The following TMEM198 variants were observed in gnomAD, a reference collection of about 807,000 sequenced individuals.
TMEM198 encodes transmembrane protein 198.
A neutral mutation model predicts 31.5 loss-of-function variants in TMEM198; 21 were observed. The ratio of observed to expected loss-of-function variants is 0.67; its 90% CI spans 0.47 to 0.96. The LOEUF (loss-of-function observed/expected upper bound fraction) is 0.96. Ranked by LOEUF, TMEM198 falls within the 40% of genes least tolerant of loss-of-function variation. TMEM198 has a pLI of 0.00. For missense variants in TMEM198, 447 were observed against 499.4 expected, an observed-to-expected ratio of 0.89 and a Z score of 1.00; for synonymous variants, 211 against 223.3, an observed-to-expected ratio of 0.95 and a Z score of 0.49.
At chr2:219,547,427 T>C in intron 2 of TMEM198, 79 bp from the exon 3 acceptor site, 4 of 1,175,956 alleles carry the variant, frequency 3.4e-6, no homozygotes, top group Admixed American at 2.9e-5. Context: ...TGGGATCCCA[T>C]GTCCTTGACC....
In TMEM198 at chr2:219,544,782, G is replaced by T. The variant is rs769246598; in HGVS notation, c.55G>T (p.Asp19Tyr). Residue 19 changes from aspartate to tyrosine, a missense_variant, in exon 2 of 5, where the codon GAT (aspartate) becomes TAT (tyrosine). Asp to Tyr is a radical substitution (Grantham distance 160, BLOSUM62 -3). Transcript: ENST00000373883. ...RFQLLPPEPD[D>Y]AFWGAPCEQP... is the part of the protein sequence containing the mutation. ...CCAGCTGCTGCCCCCTGAGCCAGAT[G>T]ATGCCTTCTGGGGTGCACCTTGTGA... 6.2e-7 allele frequency: 1 copy of T among 1,614,214 alleles called. No individual in the cohort carries two copies. Among genetic ancestry groups the T allele is most frequent in the Non-Finnish European group, 8.5e-7 (1 of 1,180,036 alleles).
Position 219,547,949 on chromosome 2 carries a change from C to A in TMEM198, c.610C>A (p.Arg204=). 1 of 1,591,030 alleles carries A rather than the reference C, an allele frequency of 6.3e-7. No individual in the cohort carries two copies. Among genetic ancestry groups the A allele is most frequent in the Non-Finnish European group, 8.5e-7 (1 of 1,174,834 alleles). The change falls in exon 3 of 5, where the codon CGA becomes AGA. Residue 204 remains arginine, a synonymous_variant. Coordinates refer to ENST00000373883, the MANE Select transcript of TMEM198 (RefSeq NM_001005209.3). ...LLLLGRYVVE[R]LRAAPVPPLC... ...ACTGCTGGGGCGCTACGTGGTGGAG[C>A]GACTCCGGGCTGCTCCTGTGCCCCC...
Position 219,544,145 on chromosome 2 carries a change from G to C in TMEM198, c.-272G>C. On this transcript the variant is annotated 5_prime_UTR_variant, in exon 1 of 5. Transcript: ENST00000373883. ...GGCTCCTGCGCCTTCCCCTTCCTCA[G>C]GCCCAGCCCGAGTTCCCGGACGCCG... 2.2e-6 allele frequency: 1 copy of C among 457,248 alleles called. No homozygotes were observed. The highest frequency in any genetic ancestry group is 1.6e-5 in the South Asian group (1 of 64,484). 28.3% of individuals were successfully genotyped at this position (457,248 alleles called of 1,614,324 possible). A position where few individuals can be genotyped will look rare whatever the true frequency, so the allele number is the denominator to read the frequency against.
Position 219,549,060 on chromosome 2 carries a change from G to C in TMEM198, c.743-92G>C, listed in dbSNP as rs771650454. The C allele has an allele frequency of 1.4e-6, 2 of 1,431,074 alleles. 1 individual carries two copies. The highest frequency in any genetic ancestry group is 2.4e-5 in the South Asian group (2 of 81,764). The allele number at this position is 1,431,074 out of a possible 1,614,324, so 88.6% of individuals were successfully genotyped here. A position where few individuals can be genotyped will look rare whatever the true frequency, so the allele number is the denominator to read the frequency against. ...GGTTATGGACAAGAGGAATCTGGAA[G>C]CCTAGAGCCACAGGTGGGATGAGAG... On this transcript the variant is annotated intron_variant, in intron 3 of 4. Transcript: ENST00000373883.
At chr2:219,546,164 TC>T in intron 2 of TMEM198, among the ~76,000 whole-genome samples, 1 of 151,842 alleles carries the variant, frequency 6.6e-6, no homozygotes, top group Non-Finnish European at 1.5e-5. Context: ...CTCTCATACT[TC>T]CCCCCACTCC....
At position 219,550,494 on chromosome 2, in the gene TMEM198, G is replaced by A. The variant is rs1695542989; in HGVS notation, c.*640G>A. On this transcript the variant is annotated 3_prime_UTR_variant, in exon 5 of 5. Coordinates refer to ENST00000373883, the MANE Select transcript of TMEM198 (RefSeq NM_001005209.3). ...TTTAAATGCACGGTGCATGTCTGGT[G>A]TCTGTCATGCCAACCTAGACACCTC... 5.7e-6 allele frequency: 2 copies of A among 348,420 alleles called. No homozygotes were observed. Among genetic ancestry groups the A allele is most frequent in the Admixed American group, 4.0e-5 (1 of 24,784 alleles). The allele number at this position is 348,420 out of a possible 1,614,324, so 21.6% of individuals were successfully genotyped here.
At chr2:219,548,716 A>C (rs1426859368) in intron 3 of TMEM198, among the ~76,000 whole-genome samples, 1 of 152,230 alleles carries the variant, frequency 6.6e-6, no homozygotes, top group East Asian at 1.9e-4. Flanking sequence ...GGGCAATAAG[A>C]CTTTAAACCA....
At position 219,547,954 on chromosome 2, in the gene TMEM198, C is replaced by A; in HGVS notation, c.615C>A (p.Leu205=). The A allele has an allele frequency of 6.3e-7, 1 of 1,590,094 alleles. No homozygotes were observed. Residue 205 remains leucine, a synonymous_variant, in exon 3 of 5, where the codon CTC becomes CTA. Coordinates refer to ENST00000373883, the MANE Select transcript of TMEM198 (RefSeq NM_001005209.3). ...LLLGRYVVER[L]RAAPVPPLCW... is the part of the protein sequence containing the mutation. Reference sequence around the variant, plus strand: ...TGGGGCGCTACGTGGTGGAGCGACTCCGGGCTGCTCCTGTGCCCCCACTCT... The same window carrying A: ...TGGGGCGCTACGTGGTGGAGCGACTACGGGCTGCTCCTGTGCCCCCACTCT...
chr2:219,545,465 C>T (rs951176488), intron 2 of TMEM198, among the ~76,000 whole-genome samples: 1 of 152,180 alleles, frequency 6.6e-6, no homozygotes, highest in Non-Finnish European at 1.5e-5. Flanking sequence ...TTGTACAGGA[C>T]GGGTACTAAA....
At chr2:219,546,074 G>A (rs1237365737) in intron 2 of TMEM198, among the ~76,000 whole-genome samples, 1 of 152,042 alleles carries the variant, frequency 6.6e-6, no homozygotes, top group Non-Finnish European at 1.5e-5. Context: ...TACCCCTCTT[G>A]GATGTCACTA....
chr2:219,546,968 C>G (rs148237880), intron 2 of TMEM198, among the ~76,000 whole-genome samples: 1 of 151,712 alleles, frequency 6.6e-6, no homozygotes, highest in East Asian at 1.9e-4. Flanking sequence ...TTAGTAGAGA[C>G]GGGGTTTCAC....
intron 2 of TMEM198, among the ~76,000 whole-genome samples, chr2:219,546,776 TTC>T: frequency 1.7e-5 from 1 of 59,542 alleles, no homozygotes; most frequent in African/African-American, 5.1e-5. Context: ...CCTCTCAAGT[TTC>T]TTTTTTTTTT....
At position 219,544,210 on chromosome 2, in the gene TMEM198, G is replaced by A. The variant is rs1293983846; in HGVS notation, c.-207G>A. On this transcript the variant is annotated 5_prime_UTR_variant, in exon 1 of 5. Coordinates refer to ENST00000373883, the MANE Select transcript of TMEM198 (RefSeq NM_001005209.3). ...CAGCCGGTGTTGGACGTGGAGCGGC[G>A]CCGCCACCGCGCCGACACCATTCTC... 2.2e-6 allele frequency: 1 copy of A among 462,928 alleles called. No homozygotes were observed. Among genetic ancestry groups the A allele is most frequent in the Non-Finnish European group, 4.4e-6 (1 of 227,138 alleles). 28.7% of individuals were successfully genotyped at this position (462,928 alleles called of 1,614,324 possible).
intron 3 of TMEM198, 42 bp downstream of exon 3, chr2:219,548,123 G>T: frequency 6.8e-7 from 1 of 1,462,566 alleles, no homozygotes; most frequent in South Asian, 1.4e-5. Context: ...AGGAGTGGGT[G>T]GCCAGGGATG....
At chr2:219,545,101 C>T (rs1695365330) in intron 2 of TMEM198, among the ~76,000 whole-genome samples, 1 of 152,232 alleles carries the variant, frequency 6.6e-6, no homozygotes, top group Non-Finnish European at 1.5e-5. Context: ...ATTTACTTAG[C>T]TTTGCAGTTA....
chr2:219,544,871 T>C lies in TMEM198; in HGVS notation c.144T>C (p.Phe48=). 1.2e-6 allele frequency: 2 copies of C among 1,614,214 alleles called. No homozygotes were observed. The highest frequency in any genetic ancestry group is 1.1e-5 in the South Asian group (1 of 91,092). Residue 48 remains phenylalanine, a synonymous_variant, in exon 2 of 5, where the codon TTT becomes TTC. Coordinates refer to ENST00000373883, the MANE Select transcript of TMEM198 (RefSeq NM_001005209.3). ...PALVCIMCCL[F]GVVYCFFGYR... The stretch of plus-strand genomic sequence containing the variant: ...TCGTCTGCATCATGTGCTGTTTGTT[T>C]GGAGTCGTCTACTGCTTCTTCGGTG...
At chr2:219,547,053 C>T (rs544621841) in intron 2 of TMEM198, among the ~76,000 whole-genome samples, 2 of 152,146 alleles carry the variant, frequency 1.3e-5, no homozygotes, top group Middle Eastern at 3.4e-3. Flanking sequence ...GCTGCCACCA[C>T]GCCCGGCCCT....
intron 2 of TMEM198, among the ~76,000 whole-genome samples, chr2:219,546,833 C>CA (rs1254187883): frequency 7.0e-6 from 1 of 143,414 alleles, no homozygotes; most frequent in African/African-American, 2.6e-5. Context: ...GGCTGGAATG[C>CA]AATGGTGCGA....
At chr2:219,549,049 G>C in intron 3 of TMEM198, 103 bp from the exon 4 acceptor site, 1 of 1,319,322 alleles carries the variant, frequency 7.6e-7, no homozygotes, top group Middle Eastern at 1.9e-4. Context: ...ATGGACAAGA[G>C]GAATCTGGAA....
Sources: allele counts gnomAD v4.1 joint callset (sites outside exome capture counted in the v4.1 genomes callset), GRCh38; gene constraint gnomAD v4.1.1; transcripts MANE v1.5; gene names NCBI Gene and HGNC (gene_info 2026-07-23, HGNC 2026-07-21).